Variants in FMN2 observed in about 807,000 individuals in gnomAD.
FMN2 encodes formin-2.
FMN2 carries 51 observed loss-of-function variants against 142.3 expected under a neutral mutation model. The ratio of observed to expected loss-of-function variants is 0.36; its 90% CI spans 0.29 to 0.45. The LOEUF (loss-of-function observed/expected upper bound fraction) is 0.45. FMN2 is among the 20% of genes least tolerant of loss of function. The pLI is 1.00. For synonymous variants in FMN2, 882 were observed against 869.8 expected (o/e 1.01, Z -0.25); for missense variants, 1,936 against 2,122.8 (o/e 0.91, Z 1.73).
intron 15 of FMN2, among the ~76,000 whole-genome samples, chr1:240,418,199 T>C (rs1185646611): frequency 6.7e-6 from 1 of 149,538 alleles, no homozygotes; most frequent in East Asian, 1.9e-4. Context: ...ATATTTATTA[T>C]GATTTTTTTT....
chr1:240,178,152 AT>A lies in FMN2; in HGVS notation c.1930+85del, dbSNP rs1665003106. On this transcript the variant is annotated intron_variant, in intron 3 of 17. Coordinates refer to ENST00000319653, the MANE Select transcript of FMN2 (RefSeq NM_020066.5). ...TTTTATTAAATCTTAGTTTTAAGTA[AT>A]CTTTTATTTTTAATTGCATGGCATT... 9 of 1,352,612 alleles carry A rather than the reference AT, an allele frequency of 6.7e-6. No individual in the cohort carries two copies. The South Asian group carries it at 1.8e-4, about 28-fold the overall frequency. The allele number at this position is 1,352,612 out of a possible 1,614,324, so 83.8% of individuals were successfully genotyped here.
At chr1:240,341,409 A>C (rs760060085) in intron 13 of FMN2, 1 of 152,164 alleles carries the variant, frequency 6.6e-6, no homozygotes, top group Non-Finnish European at 1.5e-5. Context: ...TGTCAAGTTC[A>C]CAGTTACAGA....
chr1:240,279,272 A>T (rs868671019), intron 7 of FMN2, among the ~76,000 whole-genome samples: 108 of 152,318 alleles, frequency 7.1e-4, no homozygotes, highest in Middle Eastern at 3.4e-3. Context: ...TGAAAAAAAA[A>T]TTCTGATACC....
chr1:240,111,317 G>T (rs1027728019), intron 1 of FMN2, among the ~76,000 whole-genome samples: 3 of 152,124 alleles, frequency 2.0e-5, no homozygotes, highest in African/African-American at 4.8e-5. Flanking sequence ...GTACGAGAAA[G>T]AATTCAGGGC....
Position 240,092,610 on chromosome 1 carries a change from A to G in FMN2, c.501A>G (p.Ala167=), listed in dbSNP as rs1156699075. 4 of 1,614,016 alleles carry G rather than the reference A, an allele frequency of 2.5e-6. No individual in the cohort carries two copies. The East Asian group carries it at 6.7e-5, about 27-fold the overall frequency. The change falls in exon 1 of 18, where the codon GCA becomes GCG. Residue 167 remains alanine (A), a synonymous_variant. Transcript: ENST00000319653. ...TCGCCGAGGATGTGGAAACTGCAGC[A>G]GGGGCGCAGGATGGACAAAGGACCA... ...RPIAEDVETA[A]GAQDGQRTSS... is the part of the protein sequence containing the mutation.
At chr1:240,155,993 CTTT>C (rs1365223506) in intron 2 of FMN2, among the ~76,000 whole-genome samples, 31 of 151,692 alleles carry the variant, frequency 2.0e-4, no homozygotes, top group African/African-American at 7.0e-4. Context: ...AATCCTAGCA[CTTT>C]AGGAGCCTGA....
In FMN2 at chr1:240,094,746, C is replaced by G. The variant is rs918345842; in HGVS notation, c.1615+1022C>G. ...TATGATAAATATTTGAAGGATTAAA[C>G]ATTTCAAATGCAATCTGAAAATTTT... On this transcript the variant is annotated intron_variant, in intron 1 of 17. Coordinates refer to ENST00000319653, the MANE Select transcript of FMN2 (RefSeq NM_020066.5). Among the ~76,000 whole-genome samples the G allele has an allele frequency of 3.4e-4, 52 of 152,160 alleles. 1 individual carries two copies. Among genetic ancestry groups the G allele is most frequent in the Non-Finnish European group, 1.0e-4 (7 of 68,020 alleles).
chr1:240,388,178 CAA>C (rs71170738), intron 14 of FMN2, among the ~76,000 whole-genome samples: 28 of 11,800 alleles, frequency 2.4e-3, no homozygotes, highest in African/African-American at 0.014. Context: ...ACTCCCATCT[CAA>C]AAAAAAAAAA....
chr1:240,403,507 G>A (rs931778804), intron 15 of FMN2, among the ~76,000 whole-genome samples: 4 of 152,188 alleles, frequency 2.6e-5, no homozygotes, highest in African/African-American at 7.2e-5. Flanking sequence ...GGTGACAGGC[G>A]CCTGTAATCC....
At chr1:240,366,777 C>T (rs982923570) in intron 14 of FMN2, among the ~76,000 whole-genome samples, 5 of 152,110 alleles carry the variant, frequency 3.3e-5, no homozygotes, top group African/African-American at 1.2e-4. Context: ...TCTCAAACTC[C>T]CCACCTCAGG....
intron 2 of FMN2, among the ~76,000 whole-genome samples, chr1:240,140,384 C>T (rs1361340057): frequency 1.3e-5 from 2 of 152,138 alleles, no homozygotes; most frequent in Non-Finnish European, 2.9e-5. Flanking sequence ...AAGAAAATTA[C>T]GTTCATTTTC....
At position 240,473,673 on chromosome 1, in the gene FMN2, A is replaced by G. The variant is rs768168145; in HGVS notation, c.5143-455A>G. 1.3e-5 allele frequency among the ~76,000 whole-genome samples: 2 copies of G among 152,206 alleles called. No homozygotes were observed. The highest frequency in any genetic ancestry group is 2.9e-5 in the Non-Finnish European group (2 of 68,050). On this transcript the variant is annotated intron_variant, in intron 17 of 17. Transcript: ENST00000319653. The surrounding 1 kb of genome is among the most constrained non-coding windows in gnomAD (Gnocchi z 4.3). ...TAACTACTACATGATAGTTCAGCTT[A>G]TCTTCTGCTCCTGATGATTCAGTCT...
intron 4 of FMN2, among the ~76,000 whole-genome samples, chr1:240,195,347 T>A (rs1665872948): frequency 6.6e-6 from 1 of 152,224 alleles, no homozygotes; most frequent in African/African-American, 2.4e-5. Context: ...TTGTGCTTTT[T>A]CTTGTTGGTT....
chr1:240,208,199 A>G lies in FMN2; in HGVS notation c.3387A>G (p.Ile1129Met), dbSNP rs1234259510. Reference sequence around the variant, plus strand: ...CTCCCCCTCTACCCGGAGCGGGCATACCCCCTCCTCCCCCTCTTCCCGGAG... The same window carrying G: ...CTCCCCCTCTACCCGGAGCGGGCATGCCCCCTCCTCCCCCTCTTCCCGGAG... Reference protein sequence around the residue: ...PPPPPLPGAGIPPPPPLPGAG... With the variant: ...PPPPPLPGAGMPPPPPLPGAG... Residue 1129 changes from isoleucine (I) to methionine (M), a missense_variant, in exon 5 of 18, where the codon ATA (isoleucine) becomes ATG (methionine). Physicochemically the swap from Ile to Met is conservative, Grantham distance 10. Transcript: ENST00000319653. The G allele has an allele frequency of 2.8e-6, 2 of 704,234 alleles. No individual in the cohort carries two copies. Among genetic ancestry groups the G allele is most frequent in the Non-Finnish European group, 3.8e-6 (2 of 530,872 alleles). 43.6% of individuals were successfully genotyped at this position (704,234 alleles called of 1,614,324 possible).
At chr1:240,465,975 T>G (rs1676608473) in intron 16 of FMN2, among the ~76,000 whole-genome samples, 2 of 152,196 alleles carry the variant, frequency 1.3e-5, no homozygotes, top group Non-Finnish European at 2.9e-5. Flanking sequence ...TAAATGGGTC[T>G]GGGGTTACGT....
intron 8 of FMN2, among the ~76,000 whole-genome samples, chr1:240,297,149 A>G (rs1173503162): frequency 6.6e-6 from 1 of 152,150 alleles, no homozygotes; most frequent in East Asian, 1.9e-4. Context: ...TATATTACAT[A>G]TATACATTTG....
intron 6 of FMN2, among the ~76,000 whole-genome samples, chr1:240,219,566 TC>T (rs1667029154): frequency 6.6e-6 from 1 of 152,174 alleles, no homozygotes. Context: ...GTCTTTAGTT[TC>T]TTTAATTTAA....
At chr1:240,165,926 C>T (rs898537326) in intron 2 of FMN2, among the ~76,000 whole-genome samples, 93 of 151,928 alleles carry the variant, frequency 6.1e-4, no homozygotes, top group African/African-American at 2.2e-3. Flanking sequence ...AGTCCCTTTC[C>T]CCGGATAATG....
At chr1:240,394,110 T>C (rs925741326) in intron 15 of FMN2, among the ~76,000 whole-genome samples, 5 of 152,114 alleles carry the variant, frequency 3.3e-5, no homozygotes, top group African/African-American at 7.2e-5. Context: ...AGCTGGTGGG[T>C]TAGGCAGTCA....
Sources: allele counts gnomAD v4.1 joint callset (sites outside exome capture counted in the v4.1 genomes callset), GRCh38; gene constraint gnomAD v4.1.1; non-coding constraint Gnocchi (gnomAD v3.1); transcripts MANE v1.5; gene names NCBI Gene and HGNC (gene_info 2026-07-23, HGNC 2026-07-21).